WNT3A: variants seen among roughly 807,000 people sequenced by gnomAD.
WNT3A encodes the protein Wnt family member 3A.
In WNT3A, 17 loss-of-function variants were observed where a neutral mutation model predicts 37.0. That is an observed-to-expected ratio of 0.46 (90% CI 0.31 to 0.69). WNT3A has a LOEUF of 0.69. WNT3A is among the 30% of genes least tolerant of loss of function. The probability of loss-of-function intolerance (pLI) is 0.05; values close to 1 mark genes in which losing one functional copy is unlikely to be tolerated. For missense variants in WNT3A, 411 were observed against 510.2 expected (o/e 0.81, Z 1.87); for synonymous variants, 187 against 211.0 (o/e 0.89, Z 0.99).
chr1:228,042,042 G>A lies in WNT3A; in HGVS notation c.314-8614G>A, dbSNP rs185803020. Among the ~76,000 whole-genome samples the A allele has an allele frequency of 8.3e-3, 1,264 of 152,176 alleles. 19 individuals carry two copies. Among genetic ancestry groups the A allele is most frequent in the African/African-American group, 0.029 (1,185 of 41,504 alleles). ...TTGCCAGGCTGGAGTGCAGTGGTGTGACCTCGGCTCACTGCAACCTCCGCC... is the reference window on the plus strand; with the variant it reads ...TTGCCAGGCTGGAGTGCAGTGGTGTAACCTCGGCTCACTGCAACCTCCGCC... On this transcript the variant is annotated intron_variant, in intron 2 of 3. Transcript: ENST00000284523. This position sits in a 1 kb window ranked among gnomAD's most constrained non-coding sequence, Gnocchi z 5.2.
intron 3 of WNT3A, among the ~76,000 whole-genome samples, chr1:228,051,961 G>T (rs925095241): frequency 6.6e-6 from 1 of 152,110 alleles, no homozygotes; most frequent in African/African-American, 2.4e-5. Context: ...TGAGGGATCT[G>T]CCCCCATAAC....
Position 228,060,368 on chromosome 1 carries a change from T to G in WNT3A, c.*903T>G, listed in dbSNP as rs2124822523. On this transcript the variant is annotated 3_prime_UTR_variant, in exon 4 of 4. Coordinates refer to ENST00000284523, the MANE Select transcript of WNT3A (RefSeq NM_033131.4). ...GGGCCCCTCTCCAAGCGCCTGGCTT[T>G]GGAATGCTCCAGGCGCGCCGACGCC... 8.0e-7 allele frequency: 1 copy of G among 1,251,190 alleles called. No individual in the cohort carries two copies. The highest frequency in any genetic ancestry group is 2.0e-5 in the Admixed American group (1 of 50,004). 77.5% of individuals were successfully genotyped at this position (1,251,190 alleles called of 1,614,324 possible).
intron 1 of WNT3A, among the ~76,000 whole-genome samples, chr1:228,019,051 G>C (rs2030615049): frequency 6.6e-6 from 1 of 152,248 alleles, no homozygotes; most frequent in African/African-American, 2.4e-5. Context: ...CTCTGGCCTG[G>C]CAGCTGGCCA....
rs2031192318 is a variant in WNT3A, at chr1:228,038,330, C to T, written c.314-12326C>T. 6.6e-6 allele frequency among the ~76,000 whole-genome samples: 1 copy of T among 152,208 alleles called. No homozygotes were observed. The highest frequency in any genetic ancestry group is 2.4e-5 in the African/African-American group (1 of 41,446). On this transcript the variant is annotated intron_variant, in intron 2 of 3. Transcript: ENST00000284523. This position sits in a 1 kb window ranked among gnomAD's most constrained non-coding sequence, Gnocchi z 5.7. ...CGCGGGCTGAGTCCCCCTGTGTGCC[C>T]CACAGCAAAGGGTCTTCTCCTTCCC...
chr1:228,018,829 C>T (rs1443301876), intron 1 of WNT3A, among the ~76,000 whole-genome samples: 1 of 152,246 alleles, frequency 6.6e-6, no homozygotes, highest in Admixed American at 6.5e-5. Context: ...TGCCAGCTTT[C>T]CACCCTCCTC....
chr1:228,029,317 A>G (rs903489281), intron 2 of WNT3A, among the ~76,000 whole-genome samples: 12 of 152,184 alleles, frequency 7.9e-5, no homozygotes, highest in African/African-American at 2.7e-4. Flanking sequence ...TGGAGCATCA[A>G]GGTCACCTTG....
intron 2 of WNT3A, among the ~76,000 whole-genome samples, chr1:228,027,546 C>G (rs1263738262): frequency 6.6e-6 from 1 of 152,062 alleles, no homozygotes; most frequent in Non-Finnish European, 1.5e-5. Flanking sequence ...GCATTTTTAC[C>G]TATGTTTTTT....
At chr1:228,015,650 GTTGGC>G (rs1558284315) in intron 1 of WNT3A, among the ~76,000 whole-genome samples, 1 of 152,120 alleles carries the variant, frequency 6.6e-6, no homozygotes, top group Admixed American at 6.5e-5. Context: ...GATCCAGATC[GTTGGC>G]ATCCAGGAAG....
intron 1 of WNT3A, among the ~76,000 whole-genome samples, chr1:228,017,428 A>G (rs891854143): frequency 2.0e-5 from 3 of 152,174 alleles, no homozygotes; most frequent in African/African-American, 7.2e-5. Flanking sequence ...TAAAGACCAC[A>G]GTGGCCAGGC....
chr1:228,008,717 A>C lies in WNT3A; in HGVS notation c.71+1518A>C, dbSNP rs187740400. Among the ~76,000 whole-genome samples the C allele has an allele frequency of 1.3e-5, 2 of 152,168 alleles. No homozygotes were observed. Among genetic ancestry groups the C allele is most frequent in the Admixed American group, 6.5e-5 (1 of 15,302 alleles). On this transcript the variant is annotated intron_variant, in intron 1 of 3. Coordinates refer to ENST00000284523, the MANE Select transcript of WNT3A (RefSeq NM_033131.4). This position sits in a 1 kb window ranked among gnomAD's most constrained non-coding sequence, Gnocchi z 4.9. ...CTGCCGGCTTACGCACCAGGCTTCT[A>C]ATTAGAACCCGCCGCCGCGTTCCTG... is the stretch of plus-strand genomic sequence containing the variant.
intron 1 of WNT3A, among the ~76,000 whole-genome samples, chr1:228,012,021 G>A (rs1040108036): frequency 6.6e-6 from 1 of 152,256 alleles, no homozygotes; most frequent in African/African-American, 2.4e-5. Flanking sequence ...GAGGCCAGCT[G>A]CCCCTCTGAC....
chr1:228,022,085 A>G (rs2030721822), intron 1 of WNT3A, among the ~76,000 whole-genome samples: 1 of 152,252 alleles, frequency 6.6e-6, no homozygotes, highest in African/African-American at 2.4e-5. Flanking sequence ...ATGATATCAA[A>G]ACATCTAGAA....
chr1:228,049,958 T>C (rs1223560848), intron 2 of WNT3A, among the ~76,000 whole-genome samples: 1 of 151,814 alleles, frequency 6.6e-6, no homozygotes, highest in Non-Finnish European at 1.5e-5. Context: ...TAACATTTTT[T>C]TGTAGAGATG....
intron 3 of WNT3A, among the ~76,000 whole-genome samples, chr1:228,055,207 TATATATATATATAC>T (rs2031659878): frequency 3.1e-5 from 3 of 98,262 alleles, no homozygotes; most frequent in Admixed American, 1.2e-4. Flanking sequence ...TATATATATA[TATATATATATATAC>T]ACACACACAA....
chr1:228,045,226 C>T (rs11589513), intron 2 of WNT3A, among the ~76,000 whole-genome samples: 12,205 of 152,270 alleles, frequency 0.08, 561 homozygotes, highest in South Asian at 0.11. Flanking sequence ...CTCTGGTTCT[C>T]CTCTTACCAG....
chr1:228,041,325 A>G (rs571375024), intron 2 of WNT3A, among the ~76,000 whole-genome samples: 1 of 151,846 alleles, frequency 6.6e-6, no homozygotes, highest in South Asian at 2.1e-4. Context: ...GCCTTTCCCT[A>G]AATGCCCACC....
chr1:228,044,855 G>A (rs759335748), intron 2 of WNT3A, among the ~76,000 whole-genome samples: 17 of 152,350 alleles, frequency 1.1e-4, no homozygotes, highest in Non-Finnish European at 2.1e-4. Flanking sequence ...CTTGCAGCCT[G>A]CAGCTTCTAC....
At position 228,048,230 on chromosome 1, in the gene WNT3A, C is replaced by T. The variant is rs549254831; in HGVS notation, c.314-2426C>T. ...CATAGAGAGGGCCCATCGGAGCTCC[C>T]TTCTCCCTCCTGCTCTCCCAGGGCC... On this transcript the variant is annotated intron_variant, in intron 2 of 3. Transcript: ENST00000284523. Among the ~76,000 whole-genome samples, 3 of 152,334 alleles carry T rather than the reference C, an allele frequency of 2.0e-5. No individual in the cohort carries two copies. The East Asian group carries it at 5.8e-4, about 29-fold the overall frequency.
chr1:228,028,210 A>G (rs1232966620), intron 2 of WNT3A, among the ~76,000 whole-genome samples: 1 of 151,910 alleles, frequency 6.6e-6, no homozygotes, highest in East Asian at 1.9e-4. Context: ...GCTTCAAATT[A>G]GTATAGTAGT....
Sources: allele counts gnomAD v4.1 joint callset (sites outside exome capture counted in the v4.1 genomes callset), GRCh38; gene constraint gnomAD v4.1.1; non-coding constraint Gnocchi (gnomAD v3.1); transcripts MANE v1.5; gene names NCBI Gene and HGNC (gene_info 2026-07-23, HGNC 2026-07-21).